PTPRA: variants seen among roughly 807,000 people sequenced by gnomAD.
PTPRA encodes protein tyrosine phosphatase receptor type A.
A neutral mutation model predicts 104.8 loss-of-function variants in PTPRA; 25 were observed. The ratio of observed to expected loss-of-function variants is 0.24; its 90% CI spans 0.17 to 0.33. PTPRA has a LOEUF of 0.33. Among genes scored for constraint, PTPRA ranks in the 10% least tolerant of loss-of-function variants. The pLI is 1.00. For missense variants in PTPRA, 765 were observed against 1,015.3 expected, an observed-to-expected ratio of 0.75 and a Z score of 3.35; for synonymous variants, 323 against 368.9, an observed-to-expected ratio of 0.88 and a Z score of 1.43.
intron 18 of PTPRA, 92 bp downstream of exon 18, chr20:3,026,872 C>T (rs1433703416): frequency 1.7e-6 from 2 of 1,160,254 alleles, no homozygotes; most frequent in African/African-American, 1.5e-5. Flanking sequence ...TAATGATTGG[C>T]GTATAGACAA....
At chr20:2,983,549 G>A (rs1048382364) in intron 6 of PTPRA, among the ~76,000 whole-genome samples, 1 of 137,054 alleles carries the variant, frequency 7.3e-6, no homozygotes, top group Non-Finnish European at 1.5e-5. Context: ...GGACTACACT[G>A]GTGGCAATAA....
At chr20:2,938,563 G>A (rs1326029912) in intron 2 of PTPRA, among the ~76,000 whole-genome samples, 2 of 151,892 alleles carry the variant, frequency 1.3e-5, no homozygotes, top group Non-Finnish European at 2.9e-5. Context: ...GACCCTGATA[G>A]CATGAATGTT....
At chr20:3,026,582 G>A (rs571058) in intron 17 of PTPRA, 105 bp from the exon 18 acceptor site, 428,122 of 803,064 alleles carry the variant, frequency 0.53, 117,142 homozygotes, top group East Asian at 0.85. Context: ...GAGAAGAGCA[G>A]TATGGAGCCA....
At chr20:2,968,325 A>G (rs1302655435) in intron 5 of PTPRA, among the ~76,000 whole-genome samples, 1 of 152,044 alleles carries the variant, frequency 6.6e-6, no homozygotes, top group Non-Finnish European at 1.5e-5. Flanking sequence ...AATTGTTTGT[A>G]TGCTTTCTAG....
chr20:3,035,954 C>T lies in PTPRA; in HGVS notation c.2198+13C>T, dbSNP rs2065779643. The T allele has an allele frequency of 2.5e-6, 4 of 1,613,206 alleles. No individual in the cohort carries two copies. Among genetic ancestry groups the T allele is most frequent in the Non-Finnish European group, 3.4e-6 (4 of 1,180,002 alleles). On this transcript the variant is annotated intron_variant, in intron 22 of 23. Coordinates refer to ENST00000399903, the MANE Select transcript of PTPRA (RefSeq NM_001385305.1). The surrounding 1 kb of genome is among the most constrained non-coding windows in gnomAD (Gnocchi z 5.8). ...CCGTGCACTGCAGGTATGGCTCACC[C>T]TTGCCCTCAGCGGGAGAGAGAAAGC...
intron 1 of PTPRA, among the ~76,000 whole-genome samples, chr20:2,885,415 T>C (rs1040483870): frequency 1.6e-4 from 24 of 152,328 alleles, no homozygotes; most frequent in Middle Eastern, 3.4e-3. Flanking sequence ...TTCCAGATGA[T>C]CTAATGAAGT....
At chr20:2,930,979 A>T (rs1301227860) in intron 2 of PTPRA, among the ~76,000 whole-genome samples, 1 of 152,174 alleles carries the variant, frequency 6.6e-6, no homozygotes, top group Admixed American at 6.5e-5. Flanking sequence ...GATGAATCTA[A>T]CACTTTAGGA....
chr20:2,948,013 TA>T lies in PTPRA; in HGVS notation c.-14del. ...TGTTCAAAGAGCATAATTAACTTTT[TA>T]AAAGAAGCTAGTAAGTACTGAAATA... On this transcript the variant is annotated 5_prime_UTR_variant, in exon 3 of 24. Coordinates refer to ENST00000399903, the MANE Select transcript of PTPRA (RefSeq NM_001385305.1). The T allele has an allele frequency of 9.2e-7, 1 of 1,088,290 alleles. No homozygotes were observed. Among genetic ancestry groups the T allele is most frequent in the South Asian group, 1.3e-5 (1 of 75,082 alleles). 67.4% of individuals were successfully genotyped at this position (1,088,290 alleles called of 1,614,324 possible).
intron 1 of PTPRA, among the ~76,000 whole-genome samples, chr20:2,910,795 C>T (rs142279567): frequency 1.5e-3 from 228 of 150,760 alleles, no homozygotes; most frequent in South Asian, 0.01. Flanking sequence ...TTAGTAGAGA[C>T]GGGGTTTCAC....
At chr20:2,941,435 T>C (rs943619319) in intron 2 of PTPRA, among the ~76,000 whole-genome samples, 5 of 152,310 alleles carry the variant, frequency 3.3e-5, no homozygotes, top group African/African-American at 1.2e-4. Context: ...AGCAAATCTA[T>C]TATCACACCC....
At chr20:2,957,356 A>T (rs1016790671) in intron 3 of PTPRA, among the ~76,000 whole-genome samples, 2 of 152,206 alleles carry the variant, frequency 1.3e-5, no homozygotes, top group African/African-American at 4.8e-5. Context: ...GCATCTTTTC[A>T]TAGATTTAAG....
chr20:2,899,110 A>G (rs571462055), intron 1 of PTPRA, among the ~76,000 whole-genome samples: 1 of 152,144 alleles, frequency 6.6e-6, no homozygotes, highest in Non-Finnish European at 1.5e-5. Flanking sequence ...CAAGGCTGGC[A>G]GATCACTTGA....
chr20:2,898,818 A>G (rs1490452297), intron 1 of PTPRA, among the ~76,000 whole-genome samples: 3 of 152,142 alleles, frequency 2.0e-5, no homozygotes, highest in East Asian at 1.9e-4. Flanking sequence ...AGATTGCGCC[A>G]CTGCACTCCA....
chr20:2,914,655 T>G (rs1173470528), intron 1 of PTPRA, among the ~76,000 whole-genome samples: 1 of 152,188 alleles, frequency 6.6e-6, no homozygotes. Flanking sequence ...GTCTTTCCTT[T>G]CCTTATCAGA....
At chr20:2,905,067 C>G (rs2059374656) in intron 1 of PTPRA, among the ~76,000 whole-genome samples, 1 of 152,152 alleles carries the variant, frequency 6.6e-6, no homozygotes, top group Non-Finnish European at 1.5e-5. Flanking sequence ...AGATCAGCAG[C>G]AGCATTAGAT....
Position 3,014,643 on chromosome 20 carries a change from C to CA in PTPRA, c.907-1195dup, listed in dbSNP as rs550501595. 4.1e-4 allele frequency among the ~76,000 whole-genome samples: 57 copies of CA among 140,088 alleles called. 1 individual carries two copies. Among genetic ancestry groups the CA allele is most frequent in the East Asian group, 8.4e-4 (4 of 4,788 alleles). The allele number at this position is 140,088 out of a possible 152,430, so 91.9% of individuals were successfully genotyped here. ...TGGGTGACAGAGCAAGACTCCGTCT[C>CA]AAAAAAAAAAAGAAAGTGGCTCCTC... is the stretch of plus-strand genomic sequence containing the variant. On this transcript the variant is annotated intron_variant, in intron 11 of 23. Coordinates refer to ENST00000399903, the MANE Select transcript of PTPRA (RefSeq NM_001385305.1).
intron 1 of PTPRA, among the ~76,000 whole-genome samples, chr20:2,922,643 T>A (rs1042827070): frequency 2.7e-5 from 4 of 150,504 alleles, no homozygotes; most frequent in African/African-American, 9.8e-5. Context: ...CACCTGGCCT[T>A]ATTTTTCTTT....
intron 5 of PTPRA, 130 bp from the exon 6 acceptor site, chr20:2,975,085 C>T (rs2062373619): frequency 1.3e-6 from 1 of 762,064 alleles, no homozygotes; most frequent in Non-Finnish European, 2.1e-6. Flanking sequence ...GCCTTGTTTC[C>T]CAGTTGTTGG....
At chr20:2,939,327 A>G (rs2147627860) in intron 2 of PTPRA, among the ~76,000 whole-genome samples, 1 of 152,258 alleles carries the variant, frequency 6.6e-6, no homozygotes, top group South Asian at 2.1e-4. Flanking sequence ...TTAGGACTCC[A>G]TCTGGTTATT....
Sources: allele counts gnomAD v4.1 joint callset (sites outside exome capture counted in the v4.1 genomes callset), GRCh38; gene constraint gnomAD v4.1.1; non-coding constraint Gnocchi (gnomAD v3.1); transcripts MANE v1.5; gene names NCBI Gene and HGNC (gene_info 2026-07-23, HGNC 2026-07-21).